TCEA3: variants seen among roughly 807,000 people sequenced by gnomAD.
TCEA3 encodes transcription elongation factor A3.
Under a neutral mutation model 44.0 loss-of-function variants are expected in TCEA3, and 36 were observed. That is an observed-to-expected ratio of 0.82 (90% CI 0.63 to 1.08). The LOEUF is 1.08. TCEA3 is among the 50% of genes least tolerant of loss of function. The pLI is 0.00. For synonymous variants in TCEA3, 162 were observed against 159.7 expected, an observed-to-expected ratio of 1.01 and a Z score of -0.11; for missense variants, 392 against 441.2, an observed-to-expected ratio of 0.89 and a Z score of 1.00.
At chr1:23,399,157 T>TATATATAC (rs1553167311) in intron 5 of TCEA3, among the ~76,000 whole-genome samples, 2 of 108,632 alleles carry the variant, frequency 1.8e-5, no homozygotes. Context: ...TATATATATA[T>TATATATAC]ATATATATAT....
chr1:23,381,548 A>G (rs1638672257), intron 10 of TCEA3, 74 bp from the exon 11 acceptor site: 3 of 778,818 alleles, frequency 3.9e-6, no homozygotes, highest in East Asian at 2.4e-5. Context: ...GGGAATATGA[A>G]AAAGAAGGTG....
At chr1:23,406,528 C>T (rs1268931094) in intron 5 of TCEA3, among the ~76,000 whole-genome samples, 1 of 152,166 alleles carries the variant, frequency 6.6e-6, no homozygotes, top group East Asian at 1.9e-4. Flanking sequence ...TCTCTTGGAC[C>T]ACACTTCACA....
intron 4 of TCEA3, among the ~76,000 whole-genome samples, chr1:23,413,721 A>G (rs1639803126): frequency 6.6e-6 from 1 of 152,236 alleles, no homozygotes; most frequent in South Asian, 2.1e-4. Context: ...GGCGTGAGCC[A>G]CTGAGCCTGG....
At chr1:23,402,298 C>A (rs1639421105) in intron 5 of TCEA3, among the ~76,000 whole-genome samples, 1 of 152,180 alleles carries the variant, frequency 6.6e-6, no homozygotes, top group African/African-American at 2.4e-5. Flanking sequence ...TGAGATCATG[C>A]CATTGCACAT....
chr1:23,410,784 G>C (rs1558061248), intron 4 of TCEA3: 2 of 152,142 alleles, frequency 1.3e-5, no homozygotes, highest in African/African-American at 4.8e-5. Flanking sequence ...CTAGGCAACA[G>C]AGGGAGACTC....
intron 10 of TCEA3, among the ~76,000 whole-genome samples, chr1:23,382,577 T>C (rs893381283): frequency 6.6e-6 from 1 of 152,236 alleles, no homozygotes; most frequent in Admixed American, 6.5e-5. Context: ...GTTTGCTCCG[T>C]ACCCTGGCAT....
At chr1:23,401,221 G>T (rs922415507) in intron 5 of TCEA3, among the ~76,000 whole-genome samples, 1 of 152,198 alleles carries the variant, frequency 6.6e-6, no homozygotes, top group Admixed American at 6.5e-5. Flanking sequence ...ATTCTCTAGA[G>T]ACTTGAGGTT....
intron 10 of TCEA3, chr1:23,383,870 G>A: frequency 1.0e-6 from 1 of 990,900 alleles, no homozygotes. Flanking sequence ...GACTTTCAGA[G>A]CTTCCTTAGG....
At chr1:23,406,025 C>T (rs1417538536) in intron 5 of TCEA3, among the ~76,000 whole-genome samples, 1 of 152,144 alleles carries the variant, frequency 6.6e-6, no homozygotes, top group Non-Finnish European at 1.5e-5. Flanking sequence ...CCATAAACGC[C>T]TCCACACATT....
At chr1:23,413,226 T>A (rs1387689241) in intron 4 of TCEA3, among the ~76,000 whole-genome samples, 1 of 151,950 alleles carries the variant, frequency 6.6e-6, no homozygotes, top group Non-Finnish European at 1.5e-5. Context: ...AACCTCCTCC[T>A]CCCAGGCTCA....
At position 23,393,934 on chromosome 1, in the gene TCEA3, C is replaced by A; in HGVS notation, c.764G>T (p.Arg255Leu). 5 of 1,613,946 alleles carry A rather than the reference C, an allele frequency of 3.1e-6. No homozygotes were observed. The highest frequency in any genetic ancestry group is 4.2e-6 in the Non-Finnish European group (5 of 1,179,908). The change falls in exon 8 of 11, where the codon CGG becomes CTG. Residue 255 changes from arginine (R) to leucine (L), a missense_variant. By Grantham distance (102) the Arg-to-Leu change is moderately radical. Transcript: ENST00000450454. ...GGAGATGGCCCCACTGAGCACGTTC[C>A]GCCGCAGGCCGGGGTTCCTGGGGTC... Reference protein sequence around the residue: ...LKDPRNPGLRRNVLSGAISAG... With the variant: ...LKDPRNPGLRLNVLSGAISAG...
At chr1:23,392,395 A>C (rs1639061236) in intron 8 of TCEA3, among the ~76,000 whole-genome samples, 6 of 77,680 alleles carry the variant, frequency 7.7e-5, no homozygotes, top group East Asian at 3.4e-4. Context: ...CACAAAACAC[A>C]CTCCACACAT....
chr1:23,414,045 G>C (rs1639816770), intron 4 of TCEA3, among the ~76,000 whole-genome samples: 1 of 148,882 alleles, frequency 6.7e-6, no homozygotes, highest in Non-Finnish European at 1.5e-5. Context: ...AATTATATGT[G>C]AGTGCTTGTT....
At position 23,409,520 on chromosome 1, in the gene TCEA3, C is replaced by T. The variant is rs143433560; in HGVS notation, c.381-794G>A. On this transcript the variant is annotated intron_variant, in intron 4 of 10. Coordinates refer to ENST00000450454, the MANE Select transcript of TCEA3 (RefSeq NM_003196.3). The stretch of plus-strand genomic sequence containing the variant: ...CTGCCTTCCTTTTAATTCCATAGCA[C>T]GTGTCACCTTCTAGCATACTACATA... Among the ~76,000 whole-genome samples the T allele has an allele frequency of 5.1e-3, 781 of 152,200 alleles. 9 individuals are homozygous for T. The highest frequency in any genetic ancestry group is 0.017 in the African/African-American group (724 of 41,544).
chr1:23,399,571 G>A (rs1294225022), intron 5 of TCEA3, among the ~76,000 whole-genome samples: 1 of 151,976 alleles, frequency 6.6e-6, no homozygotes, highest in African/African-American at 2.4e-5. Flanking sequence ...TTATCTCTCT[G>A]AGGTGGAATG....
Position 23,424,617 on chromosome 1 carries a change from T to G in TCEA3, c.17A>C (p.Glu6Ala). Reference sequence around the variant, plus strand: ...CAGCTTTTTGGCGATCCTCAGCAGCTCCTCTTCCTGGCCCATGTTGGCCCG... The same window carrying G: ...CAGCTTTTTGGCGATCCTCAGCAGCGCCTCTTCCTGGCCCATGTTGGCCCG... Reference protein sequence around the residue: MGQEEELLRIAKKLEK... With the variant: MGQEEALLRIAKKLEK... The change falls in exon 1 of 11, where the codon GAG (glutamate) becomes GCG (alanine). Residue 6 changes from glutamate to alanine, a missense_variant. Glu to Ala is a moderately radical substitution (Grantham distance 107). Coordinates refer to ENST00000450454, the MANE Select transcript of TCEA3 (RefSeq NM_003196.3). The G allele has an allele frequency of 6.2e-7, 1 of 1,607,696 alleles. No homozygotes were observed. The highest frequency in any genetic ancestry group is 1.1e-5 in the South Asian group (1 of 90,956).
intron 1 of TCEA3, among the ~76,000 whole-genome samples, chr1:23,421,731 A>C (rs1284251146): frequency 1.3e-5 from 2 of 152,228 alleles, no homozygotes; most frequent in African/African-American, 2.4e-5. Context: ...TCAGGAAGTG[A>C]TTATTTTGGA....
rs777631537 is a variant in TCEA3, at chr1:23,417,243, G to T, written c.380+6C>A. On this transcript the variant is annotated splice_donor_region_variant and intron_variant, in intron 4 of 10. Transcript: ENST00000450454. ...GCTCCCTTCTCTCCATCCCAAAAAA[G>T]AATACCTGGTTTTGGGGTCTTCTCG... The T allele has an allele frequency of 1.2e-6, 2 of 1,612,124 alleles. No individual in the cohort carries two copies. The highest frequency in any genetic ancestry group is 2.2e-5 in the East Asian group (1 of 44,868).
At position 23,399,882 on chromosome 1, in the gene TCEA3, G is replaced by C. The variant is rs577602403; in HGVS notation, c.444-1927C>G. On this transcript the variant is annotated intron_variant, in intron 5 of 10. Coordinates refer to ENST00000450454, the MANE Select transcript of TCEA3 (RefSeq NM_003196.3). ...GTAGAGATGGGGTTTTGCCATGTTG[G>C]CCAGGCTGGTCTTGAACCCCTGACT... 2.0e-5 allele frequency among the ~76,000 whole-genome samples: 3 copies of C among 152,284 alleles called. No individual in the cohort carries two copies. The South Asian group carries it at 6.2e-4, about 32-fold the overall frequency.
Sources: allele counts gnomAD v4.1 joint callset (sites outside exome capture counted in the v4.1 genomes callset), GRCh38; gene constraint gnomAD v4.1.1; transcripts MANE v1.5; gene names NCBI Gene and HGNC (gene_info 2026-07-23, HGNC 2026-07-21).